RBFOX1: variants seen among roughly 807,000 people sequenced by gnomAD.
RBFOX1 encodes RNA binding fox-1 homolog 1, also known as RNA binding protein fox-1 homolog 1.
In RBFOX1, 8 loss-of-function variants were observed where a neutral mutation model predicts 57.7. The ratio of observed to expected loss-of-function variants is 0.14; its 90% CI spans 0.08 to 0.25. The LOEUF (loss-of-function observed/expected upper bound fraction) is 0.25. Among genes scored for constraint, RBFOX1 ranks in the 10% least tolerant of loss-of-function variants. The pLI, the probability that RBFOX1 is intolerant of heterozygous loss-of-function variation, is 1.00. For synonymous variants in RBFOX1, 326 were observed against 222.4 expected, an observed-to-expected ratio of 1.47 and a Z score of -4.15; for missense variants, 611 against 548.5, an observed-to-expected ratio of 1.11 and a Z score of -1.14.
chr16:7,286,114 G>A (rs950566294), intron 4 of RBFOX1, among the ~76,000 whole-genome samples: 1 of 152,142 alleles, frequency 6.6e-6, no homozygotes, highest in East Asian at 1.9e-4. Context: ...TTTAAATAAG[G>A]AACGAATGAG....
At chr16:7,158,183 T>C (rs1255384434) in intron 4 of RBFOX1, among the ~76,000 whole-genome samples, 1 of 151,796 alleles carries the variant, frequency 6.6e-6, no homozygotes, top group Non-Finnish European at 1.5e-5. Context: ...CCTGTCTCTA[T>C]AAAAATACAA....
chr16:7,449,796 G>T (rs544165014), intron 4 of RBFOX1, among the ~76,000 whole-genome samples: 59 of 150,464 alleles, frequency 3.9e-4, no homozygotes, highest in African/African-American at 1.3e-3. Flanking sequence ...AGAAAACACT[G>T]CTTCTGTGAC....
intron 1 of RBFOX1, among the ~76,000 whole-genome samples, chr16:5,259,002 T>A (rs573554499): frequency 6.6e-6 from 1 of 151,886 alleles, no homozygotes; most frequent in Non-Finnish European, 1.5e-5. Flanking sequence ...GTTAGCCCCC[T>A]CCTGTGGGGA....
intron 3 of RBFOX1, among the ~76,000 whole-genome samples, chr16:6,915,157 A>T (rs1456319341): frequency 1.3e-5 from 2 of 152,270 alleles, no homozygotes; most frequent in East Asian, 3.9e-4. Context: ...ACTCGGGGTC[A>T]AGGCACTGGG....
At position 7,406,722 on chromosome 16, in the gene RBFOX1, G is replaced by A. The variant is rs933695602; in HGVS notation, c.28-111425G>A. Among the ~76,000 whole-genome samples, 4 of 152,240 alleles carry A rather than the reference G, an allele frequency of 2.6e-5. No homozygotes were observed. In the East Asian group the frequency reaches 5.8e-4, roughly 22 times the overall value. ...GCTTTGGCAAATTACTACAAATTCC[G>A]TGGCTTACAACATCACAGAGTGACT... On this transcript the variant is annotated intron_variant, in intron 4 of 15. Transcript: ENST00000550418.
At chr16:5,604,568 G>A (rs996617474), downstream of RBFOX1, among the ~76,000 whole-genome samples, 4 of 152,120 alleles carry the variant, frequency 2.6e-5, no homozygotes, top group African/African-American at 4.8e-5. Flanking sequence ...GGAGTCTTGT[G>A]TACACATGTC....
At chr16:6,575,997 T>C (rs1292642978) in intron 2 of RBFOX1, among the ~76,000 whole-genome samples, 1 of 152,132 alleles carries the variant, frequency 6.6e-6, no homozygotes, top group Non-Finnish European at 1.5e-5. Context: ...TTTTTTATTT[T>C]TGCAAAGCAA....
At chr16:5,713,947 T>C (rs1391592265) in intron 3 of RBFOX1, among the ~76,000 whole-genome samples, 3 of 152,184 alleles carry the variant, frequency 2.0e-5, no homozygotes, top group Non-Finnish European at 2.9e-5. Context: ...GTGGGAGATG[T>C]TCTAACAGAG....
chr16:6,656,958 C>CG (rs1481890040), intron 3 of RBFOX1, among the ~76,000 whole-genome samples: 7 of 124,902 alleles, frequency 5.6e-5, no homozygotes, highest in African/African-American at 2.3e-4. Flanking sequence ...CTCTCCTCCC[C>CG]TTTCCTCTCC....
At chr16:7,158,691 G>A (rs1402627669) in intron 4 of RBFOX1, among the ~76,000 whole-genome samples, 1 of 141,544 alleles carries the variant, frequency 7.1e-6, no homozygotes, top group African/African-American at 2.4e-5. Context: ...TGGTGTGTCT[G>A]TGTGTTTGTG....
intron 3 of RBFOX1, among the ~76,000 whole-genome samples, chr16:6,666,150 C>G (rs1248938953): frequency 6.6e-6 from 1 of 152,190 alleles, no homozygotes; most frequent in African/African-American, 2.4e-5. Flanking sequence ...AACTGTGAGT[C>G]TATTAAACCT....
chr16:7,414,542 C>T (rs1344456087), intron 4 of RBFOX1, among the ~76,000 whole-genome samples: 5 of 152,152 alleles, frequency 3.3e-5, no homozygotes, highest in Admixed American at 3.3e-4. Flanking sequence ...ACTTTCCAAC[C>T]AATATAGTAG....
intron 3 of RBFOX1, among the ~76,000 whole-genome samples, chr16:6,930,480 G>C (rs980757505): frequency 6.6e-6 from 1 of 151,984 alleles, no homozygotes; most frequent in East Asian, 1.9e-4. Flanking sequence ...TGTGATCTCG[G>C]CTCACTACAA....
intron 1 of RBFOX1, among the ~76,000 whole-genome samples, chr16:5,321,789 C>T (rs534732790): frequency 4.7e-4 from 71 of 152,178 alleles, no homozygotes; most frequent in African/African-American, 1.5e-3. Flanking sequence ...ATGTGCACGG[C>T]GTGTGGCGTC....
intron 1 of RBFOX1, among the ~76,000 whole-genome samples, chr16:5,433,746 T>C (rs1281404143): frequency 6.6e-6 from 1 of 152,158 alleles, no homozygotes; most frequent in Non-Finnish European, 1.5e-5. Context: ...CCCTGCTCCA[T>C]GGGAGATTCC....
intron 2 of RBFOX1, among the ~76,000 whole-genome samples, chr16:6,340,003 C>G (rs1453224933): frequency 6.6e-6 from 1 of 152,088 alleles, no homozygotes; most frequent in Non-Finnish European, 1.5e-5. Flanking sequence ...TAAACAAAAG[C>G]TTTATGATTC....
At chr16:7,015,504 A>T (rs566492715) in intron 3 of RBFOX1, among the ~76,000 whole-genome samples, 2 of 152,244 alleles carry the variant, frequency 1.3e-5, no homozygotes, top group East Asian at 3.9e-4. Context: ...GAGAGGAAAA[A>T]GTGTTTTTCC....
intron 2 of RBFOX1, among the ~76,000 whole-genome samples, chr16:6,408,553 T>C (rs1197507564): frequency 6.6e-6 from 1 of 152,164 alleles, no homozygotes; most frequent in African/African-American, 2.4e-5. Context: ...CAGAGCGTTA[T>C]TGATGGAACA....
intron 3 of RBFOX1, among the ~76,000 whole-genome samples, chr16:6,750,829 A>C (rs1024617582): frequency 2.0e-5 from 3 of 152,168 alleles, no homozygotes; most frequent in African/African-American, 7.2e-5. Context: ...TAAACGCCAA[A>C]GGGGGATGTG....
Sources: gnomAD v4.1 joint callset for allele counts (sites outside exome capture counted in the v4.1 genomes callset) on GRCh38, gnomAD v4.1.1 for gene constraint, MANE v1.5 for transcripts, NCBI Gene and HGNC (gene_info 2026-07-23, HGNC 2026-07-21) for gene names.